TTLL11: variants seen among roughly 807,000 people sequenced by gnomAD.
The protein encoded by TTLL11 is tubulin polyglutamylase TTLL11.
A neutral mutation model predicts 51.7 loss-of-function variants in TTLL11; 42 were observed. The observed-to-expected ratio is 0.81, with a 90% confidence interval of 0.64 to 1.05. The LOEUF (loss-of-function observed/expected upper bound fraction) is 1.05, where lower values mean the gene tolerates loss of function less well. TTLL11 is among the 50% of genes least tolerant of loss of function. The pLI is 0.00. For missense variants in TTLL11, 799 were observed against 940.4 expected, an observed-to-expected ratio of 0.85 and a Z score of 1.97; for synonymous variants, 381 against 383.5, an observed-to-expected ratio of 0.99 and a Z score of 0.08.
chr9:122,048,497 C>T (rs1388466337), intron 1 of TTLL11, among the ~76,000 whole-genome samples: 1 of 152,070 alleles, frequency 6.6e-6, no homozygotes, highest in African/African-American at 2.4e-5. Context: ...CAGCTCTGAC[C>T]ATATTGCTCC....
At chr9:121,997,669 T>C (rs996049771) in intron 3 of TTLL11, among the ~76,000 whole-genome samples, 1 of 152,176 alleles carries the variant, frequency 6.6e-6, no homozygotes, top group African/African-American at 2.4e-5. Context: ...TTACTCCCTC[T>C]TATGGTACTA....
At chr9:122,026,077 G>T (rs1564363796) in intron 3 of TTLL11, among the ~76,000 whole-genome samples, 1 of 152,132 alleles carries the variant, frequency 6.6e-6, no homozygotes, top group East Asian at 1.9e-4. Flanking sequence ...TCTACAAAGT[G>T]CAAAGTTATC....
rs1273211171 is a variant in TTLL11 at position 121,820,783 on chromosome 9, A to T, written c.*1804T>A. On this transcript the variant is annotated 3_prime_UTR_variant, in exon 9 of 9. Transcript: ENST00000321582. ...TCAGGAGGCACATCCTGCCAGTGCC[A>T]CCTTCCCACCTGTCCTGCCTTCTGC... Among the ~76,000 whole-genome samples the T allele has an allele frequency of 6.6e-6, 1 of 151,462 alleles. No homozygotes were observed. Among genetic ancestry groups the T allele is most frequent in the Non-Finnish European group, 1.5e-5 (1 of 67,886 alleles).
At chr9:122,005,235 A>T (rs1588197702) in intron 3 of TTLL11, among the ~76,000 whole-genome samples, 1 of 152,076 alleles carries the variant, frequency 6.6e-6, no homozygotes, top group East Asian at 1.9e-4. Flanking sequence ...TCGGCGGGGG[A>T]GTGGCCTGGA....
chr9:121,889,286 C>T (rs1839132052), intron 6 of TTLL11, among the ~76,000 whole-genome samples: 1 of 152,128 alleles, frequency 6.6e-6, no homozygotes, highest in South Asian at 2.1e-4. Context: ...GCTGGAGGTG[C>T]ACGAGGAGCT....
In TTLL11 at chr9:121,822,605, G is replaced by A. The variant is rs747321692; in HGVS notation, c.2115C>T (p.Pro705=). The A allele has an allele frequency of 9.0e-5, 132 of 1,473,842 alleles. No homozygotes were observed. Among genetic ancestry groups the A allele is most frequent in the Admixed American group, 7.2e-4 (28 of 39,132 alleles). 91.3% of individuals were successfully genotyped at this position (1,473,842 alleles called of 1,614,324 possible). ...GTGGCCCTCAGGACAGGGTATGTCTGGGATGGGAGAGCTTATTGGCACAGC... is the reference window on the plus strand; with the variant it reads ...GTGGCCCTCAGGACAGGGTATGTCTAGGATGGGAGAGCTTATTGGCACAGC... ...RTSCANKLSH[P]RHTLS is the part of the protein sequence containing the mutation. The change falls in exon 9 of 9, where the codon CCC becomes CCT. Residue 705 remains proline (P), a synonymous_variant. Coordinates refer to ENST00000321582, the MANE Select transcript of TTLL11 (RefSeq NM_001139442.2). The surrounding 1 kb of genome is among the most constrained non-coding windows in gnomAD (Gnocchi z 5.8).
At position 121,989,740 on chromosome 9, in the gene TTLL11, A is replaced by G. The variant is rs748175614; in HGVS notation, c.724T>C (p.Trp242Arg). The change falls in exon 4 of 9, where the codon TGG becomes CGG. Residue 242 changes from tryptophan (W) to arginine (R), a missense_variant. By Grantham distance (101) the Trp-to-Arg change is moderately radical. Coordinates refer to ENST00000321582, the MANE Select transcript of TTLL11 (RefSeq NM_001139442.2). The surrounding 1 kb of genome is among the most constrained non-coding windows in gnomAD (Gnocchi z 4.2). ...VQMVKDDDPSWKPTFIVKPDG... is the reference protein window; with the variant it reads ...VQMVKDDDPSRKPTFIVKPDG... Reference sequence around the variant, plus strand: ...GGTTTCACGATAAAAGTGGGCTTCCAGGAGGGGTCATCGTCTTTCACCATT... The same window carrying G: ...GGTTTCACGATAAAAGTGGGCTTCCGGGAGGGGTCATCGTCTTTCACCATT... 2 of 1,607,860 alleles carry G rather than the reference A, an allele frequency of 1.2e-6. No homozygotes were observed. Among genetic ancestry groups the G allele is most frequent in the South Asian group, 1.1e-5 (1 of 90,556 alleles).
chr9:122,057,730 C>T (rs778672211), intron 1 of TTLL11, among the ~76,000 whole-genome samples: 18 of 152,132 alleles, frequency 1.2e-4, no homozygotes, highest in Non-Finnish European at 2.5e-4. Context: ...AACCAAAAGG[C>T]TTACATAAAG....
At chr9:122,007,082 G>T (rs1371448474) in intron 3 of TTLL11, among the ~76,000 whole-genome samples, 2 of 150,396 alleles carry the variant, frequency 1.3e-5, no homozygotes, top group Non-Finnish European at 2.9e-5. Context: ...TGTATAGGTT[G>T]CTTATATTTC....
At chr9:121,944,816 T>A (rs780709191) in intron 6 of TTLL11, among the ~76,000 whole-genome samples, 6 of 152,294 alleles carry the variant, frequency 3.9e-5, no homozygotes, top group Non-Finnish European at 7.3e-5. Context: ...AGACCAGGCT[T>A]CCTCTTCTGG....
At chr9:122,002,302 C>G (rs1843492203) in intron 3 of TTLL11, among the ~76,000 whole-genome samples, 1 of 152,238 alleles carries the variant, frequency 6.6e-6, no homozygotes, top group African/African-American at 2.4e-5. Flanking sequence ...GATGCCCCGA[C>G]TGCTCTTCCA....
At chr9:121,885,986 C>T (rs1838999103) in intron 6 of TTLL11, among the ~76,000 whole-genome samples, 1 of 152,218 alleles carries the variant, frequency 6.6e-6, no homozygotes, top group Admixed American at 6.5e-5. Context: ...GCCTTGGACT[C>T]CCAAAGTGCT....
chr9:122,001,507 G>A (rs1423806096), intron 3 of TTLL11, among the ~76,000 whole-genome samples: 1 of 139,144 alleles, frequency 7.2e-6, no homozygotes, highest in African/African-American at 2.6e-5. Context: ...GCAGGGGGTG[G>A]GAATCATGAA....
chr9:122,030,856 G>C (rs1844520259), intron 3 of TTLL11, among the ~76,000 whole-genome samples: 1 of 151,906 alleles, frequency 6.6e-6, no homozygotes, highest in East Asian at 1.9e-4. Flanking sequence ...CAGGAGAATG[G>C]CTTGAACCCA....
chr9:121,929,048 G>T (rs963777648), intron 6 of TTLL11, among the ~76,000 whole-genome samples: 1 of 152,066 alleles, frequency 6.6e-6, no homozygotes, highest in Non-Finnish European at 1.5e-5. Flanking sequence ...GTGATTTTAC[G>T]TAGATCATGT....
chr9:121,936,534 A>C (rs1013068988), intron 6 of TTLL11, among the ~76,000 whole-genome samples: 6 of 152,042 alleles, frequency 3.9e-5, no homozygotes, highest in African/African-American at 1.4e-4. Flanking sequence ...AAAGCCCCCC[A>C]CCAGCTCCAG....
intron 7 of TTLL11, among the ~76,000 whole-genome samples, chr9:121,865,875 A>C (rs1039029847): frequency 1.3e-5 from 2 of 152,356 alleles, no homozygotes; most frequent in East Asian, 1.9e-4. Flanking sequence ...TTGGTGAAAA[A>C]GAAAAATAGA....
At chr9:121,878,016 G>A (rs1007139638) in intron 6 of TTLL11, among the ~76,000 whole-genome samples, 3 of 152,190 alleles carry the variant, frequency 2.0e-5, no homozygotes, top group Non-Finnish European at 4.4e-5. Flanking sequence ...GATGAGAAAA[G>A]TGAGCTTCAG....
chr9:121,988,915 A>G (rs917829611), intron 4 of TTLL11: 2 of 596,362 alleles, frequency 3.4e-6, no homozygotes, highest in African/African-American at 1.8e-5. Context: ...TCTGCTTTAC[A>G]TGTGTTATCT....
Sources: allele counts gnomAD v4.1 joint callset (sites outside exome capture counted in the v4.1 genomes callset), GRCh38; gene constraint gnomAD v4.1.1; non-coding constraint Gnocchi (gnomAD v3.1); transcripts MANE v1.5; gene names NCBI Gene and HGNC (gene_info 2026-07-23, HGNC 2026-07-21).